The following VSNL1 variants were observed in gnomAD, a reference collection of about 807,000 sequenced individuals.
The protein encoded by VSNL1 is visinin like 1.
VSNL1 carries 6 observed loss-of-function variants against 20.4 expected under a neutral mutation model. That is an observed-to-expected ratio of 0.29 (90% CI 0.16 to 0.58). The LOEUF is 0.58. VSNL1 is among the 20% of genes least tolerant of loss of function. The probability of loss-of-function intolerance (pLI) is 0.90; values close to 1 mark genes in which losing one functional copy is unlikely to be tolerated. For missense variants in VSNL1, 100 were observed against 234.5 expected (o/e 0.43, Z 3.75); for synonymous variants, 93 against 86.4 (o/e 1.08, Z -0.42).
rs74944553 is a variant in VSNL1 at position 17,604,526 on chromosome 2, C to T, written c.162+12290C>T. On this transcript the variant is annotated intron_variant, in intron 2 of 3. Coordinates refer to ENST00000295156, the MANE Select transcript of VSNL1 (RefSeq NM_003385.5). ...CTTGGCCTTTGTTTCTGCCACTTTC[C>T]GCAGAGAGAAGCTGGTGATGACTTG... Among the ~76,000 whole-genome samples, 1,106 of 152,332 alleles carry T rather than the reference C, an allele frequency of 7.3e-3. 8 individuals carry two copies. The highest frequency in any genetic ancestry group is 0.017 in the Middle Eastern group (5 of 294).
At chr2:17,582,954 A>C (rs1316332294) in intron 1 of VSNL1, among the ~76,000 whole-genome samples, 1 of 152,210 alleles carries the variant, frequency 6.6e-6, no homozygotes, top group African/African-American at 2.4e-5. Context: ...GTTTCCTTCA[A>C]CTAGAACATT....
Position 17,649,347 on chromosome 2 carries a change from C to A in VSNL1, c.163-63C>A. Reference sequence around the variant, plus strand: ...GCACCTGTGATGCCGTCATTAGGAACCTACCTCGTCGCCCCGATTCCATCC... The same window carrying A: ...GCACCTGTGATGCCGTCATTAGGAAACTACCTCGTCGCCCCGATTCCATCC... On this transcript the variant is annotated intron_variant, in intron 2 of 3. Coordinates refer to ENST00000295156, the MANE Select transcript of VSNL1 (RefSeq NM_003385.5). This position sits in a 1 kb window ranked among gnomAD's most constrained non-coding sequence, Gnocchi z 6.4. The A allele has an allele frequency of 6.6e-7, 1 of 1,524,880 alleles. No individual in the cohort carries two copies. Among genetic ancestry groups the A allele is most frequent in the Non-Finnish European group, 9.1e-7 (1 of 1,100,622 alleles). The allele number at this position is 1,524,880 out of a possible 1,614,324, so 94.5% of individuals were successfully genotyped here.
At chr2:17,592,610 T>C (rs2103376529) in intron 2 of VSNL1, among the ~76,000 whole-genome samples, 1 of 141,148 alleles carries the variant, frequency 7.1e-6, no homozygotes, top group South Asian at 2.4e-4. Flanking sequence ...AAAGAAAAAG[T>C]ACACAAGAGG....
chr2:17,621,834 C>T (rs80260495), intron 2 of VSNL1, among the ~76,000 whole-genome samples: 8,158 of 152,120 alleles, frequency 0.054, 257 homozygotes, highest in East Asian at 0.092. Flanking sequence ...GAGACAGGGT[C>T]TTGCTATGTT....
intron 1 of VSNL1, among the ~76,000 whole-genome samples, chr2:17,550,121 A>T (rs1481638269): frequency 6.6e-6 from 1 of 152,228 alleles, no homozygotes; most frequent in Non-Finnish European, 1.5e-5. Flanking sequence ...ACAATAAAAA[A>T]TTTATTGTTC....
intron 2 of VSNL1, among the ~76,000 whole-genome samples, chr2:17,598,230 A>G (rs1455439471): frequency 6.6e-6 from 1 of 152,240 alleles, no homozygotes; most frequent in East Asian, 1.9e-4. Flanking sequence ...TTGTACACAA[A>G]CATATAATAA....
intron 2 of VSNL1, among the ~76,000 whole-genome samples, chr2:17,619,798 C>T (rs1665311452): frequency 6.6e-6 from 1 of 151,626 alleles, no homozygotes; most frequent in Admixed American, 6.6e-5. Flanking sequence ...ATTTATTGGG[C>T]ATATACTATG....
At chr2:17,586,610 C>T (rs62132084) in intron 1 of VSNL1, among the ~76,000 whole-genome samples, 14,831 of 152,176 alleles carry the variant, frequency 0.097, 1,035 homozygotes, top group African/African-American at 0.19. Flanking sequence ...TGGTACCATG[C>T]TTTCTGTTTA....
chr2:17,569,760 A>T (rs1664037363), intron 1 of VSNL1, among the ~76,000 whole-genome samples: 1 of 152,210 alleles, frequency 6.6e-6, no homozygotes, highest in South Asian at 2.1e-4. Context: ...ATAATTAATT[A>T]TTCTGATCTT....
intron 2 of VSNL1, among the ~76,000 whole-genome samples, chr2:17,645,069 C>T (rs1198397894): frequency 6.6e-6 from 1 of 152,252 alleles, no homozygotes; most frequent in African/African-American, 2.4e-5. Context: ...CAAGAATACT[C>T]TTCTGGTTTT....
Position 17,592,227 on chromosome 2 carries a change from C to T in VSNL1, c.153C>T (p.Leu51=), listed in dbSNP as rs895285379. The part of the protein sequence containing the change: ...GRLNLEEFQQ[L]YVKFFPYGDA... ...TAAATCTCGAGGAATTTCAGCAGCT[C>T]TATGTGAAGGTAAGTTGTTTTTCAA... Residue 51 remains leucine, a synonymous_variant, in exon 2 of 4, where the codon CTC becomes CTT. Coordinates refer to ENST00000295156, the MANE Select transcript of VSNL1 (RefSeq NM_003385.5). 1 of 1,613,594 alleles carries T rather than the reference C, an allele frequency of 6.2e-7. No individual in the cohort carries two copies. The highest frequency in any genetic ancestry group is 8.5e-7 in the Non-Finnish European group (1 of 1,179,636).
chr2:17,649,493 C>T lies in VSNL1; in HGVS notation c.246C>T (p.Phe82=). The T allele has an allele frequency of 6.2e-7, 1 of 1,614,196 alleles. No individual in the cohort carries two copies. Among genetic ancestry groups the T allele is most frequent in the Non-Finnish European group, 8.5e-7 (1 of 1,180,026 alleles). ...AGAATGGGGACGGCACCATTGACTT[C>T]CGAGAGTTCATCTGCGCTCTGTCCA... ...FDKNGDGTID[F]REFICALSIT... Residue 82 remains phenylalanine (F), a synonymous_variant, in exon 3 of 4, where the codon TTC becomes TTT. Coordinates refer to ENST00000295156, the MANE Select transcript of VSNL1 (RefSeq NM_003385.5). This position sits in a 1 kb window ranked among gnomAD's most constrained non-coding sequence, Gnocchi z 6.4.
intron 1 of VSNL1, among the ~76,000 whole-genome samples, chr2:17,576,632 A>C (rs1421251323): frequency 1.3e-5 from 2 of 152,212 alleles, no homozygotes; most frequent in East Asian, 3.8e-4. Context: ...GTTAATACTT[A>C]AAAGACACGT....
At chr2:17,591,470 A>G (rs560759764) in intron 1 of VSNL1, among the ~76,000 whole-genome samples, 25 of 152,352 alleles carry the variant, frequency 1.6e-4, no homozygotes, top group Admixed American at 1.6e-3. Flanking sequence ...TCTGAAGACA[A>G]TGTTGTACGA....
chr2:17,631,668 A>G (rs997023745), intron 2 of VSNL1, among the ~76,000 whole-genome samples: 2 of 152,252 alleles, frequency 1.3e-5, no homozygotes, highest in East Asian at 1.9e-4. Context: ...AGATTTGATT[A>G]AATAAATTAT....
intron 2 of VSNL1, among the ~76,000 whole-genome samples, chr2:17,592,755 G>A (rs1664625107): frequency 6.9e-6 from 1 of 145,794 alleles, no homozygotes; most frequent in Admixed American, 7.2e-5. Flanking sequence ...GGGTGGGGGA[G>A]TGTAGCGTAT....
At chr2:17,542,471 G>A (rs1441575358) in intron 1 of VSNL1, among the ~76,000 whole-genome samples, 1 of 152,114 alleles carries the variant, frequency 6.6e-6, no homozygotes, top group East Asian at 1.9e-4. Context: ...ATCAAATAGG[G>A]CTCTTTGGCC....
chr2:17,580,560 C>A (rs1232023895), intron 1 of VSNL1, among the ~76,000 whole-genome samples: 2 of 152,184 alleles, frequency 1.3e-5, no homozygotes, highest in African/African-American at 2.4e-5. Context: ...AGTGTTTTCC[C>A]GTGTGACTTT....
chr2:17,568,797 G>A (rs1443284296), intron 1 of VSNL1, among the ~76,000 whole-genome samples: 1 of 152,062 alleles, frequency 6.6e-6, no homozygotes, highest in Non-Finnish European at 1.5e-5. Flanking sequence ...AGTTGAAAAT[G>A]TCTTTATCTC....
Sources: gnomAD v4.1 joint callset for allele counts (sites outside exome capture counted in the v4.1 genomes callset) on GRCh38, gnomAD v4.1.1 for gene constraint, Gnocchi (gnomAD v3.1) non-coding constraint, MANE v1.5 for transcripts, NCBI Gene and HGNC (gene_info 2026-07-23, HGNC 2026-07-21) for gene names.